Variants in XYLB observed in about 807,000 individuals in gnomAD.
XYLB encodes the protein xylulokinase.
A neutral mutation model predicts 78.7 loss-of-function variants in XYLB; 62 were observed. The ratio of observed to expected loss-of-function variants is 0.79; its 90% CI spans 0.64 to 0.97. XYLB has a LOEUF of 0.97. XYLB is among the 50% of genes least tolerant of loss of function. The pLI is 0.00. For missense variants in XYLB, 687 were observed against 676.8 expected, an observed-to-expected ratio of 1.02 and a Z score of -0.17; for synonymous variants, 245 against 247.4, an observed-to-expected ratio of 0.99 and a Z score of 0.09.
chr3:38,350,158 A>G (rs1202538219), intron 2 of XYLB, among the ~76,000 whole-genome samples: 1 of 151,976 alleles, frequency 6.6e-6, no homozygotes, highest in Non-Finnish European at 1.5e-5. Flanking sequence ...TTCCCAGCTG[A>G]CCCTTTGTGC....
intron 15 of XYLB, among the ~76,000 whole-genome samples, chr3:38,389,904 G>C (rs1363331621): frequency 1.3e-5 from 2 of 152,194 alleles, no homozygotes; most frequent in Non-Finnish European, 2.9e-5. Flanking sequence ...CCCAAATGTA[G>C]TTGTTTTTCT....
intron 9 of XYLB, 64 bp downstream of exon 9, chr3:38,370,238 G>GCTCACACA: frequency 6.1e-6 from 2 of 326,742 alleles, no homozygotes; most frequent in South Asian, 3.1e-5. Context: ...AAGCACTGTA[G>GCTCACACA]CGCACACACA....
Position 38,346,873 on chromosome 3 carries a change from C to G in XYLB, c.5C>G (p.Ala2Gly), listed in dbSNP as rs1197757194. M[A>G]EHAPRRCCLG... ...CGCAGCCTTACCCGAAAGGCCATGGCGGAGCACGCCCCTCGCCGCTGCTGC... is the reference window on the plus strand; with the variant it reads ...CGCAGCCTTACCCGAAAGGCCATGGGGGAGCACGCCCCTCGCCGCTGCTGC... Residue 2 changes from alanine to glycine, a missense_variant, in exon 1 of 19, where the codon GCG becomes GGG. Physicochemically the swap from Ala to Gly is moderately conservative, Grantham distance 60. Coordinates refer to ENST00000207870, the MANE Select transcript of XYLB (RefSeq NM_005108.4). 1 of 1,519,536 alleles carries G rather than the reference C, an allele frequency of 6.6e-7. No individual in the cohort carries two copies. The highest frequency in any genetic ancestry group is 2.1e-5 in the Admixed American group (1 of 48,302). 94.1% of individuals were successfully genotyped at this position (1,519,536 alleles called of 1,614,324 possible). A position where few individuals can be genotyped will look rare whatever the true frequency, so the allele number is the denominator to read the frequency against.
chr3:38,354,760 TC>T (rs1377351488), intron 2 of XYLB, among the ~76,000 whole-genome samples: 1 of 152,204 alleles, frequency 6.6e-6, no homozygotes, highest in Non-Finnish European at 1.5e-5. Context: ...CACCTCGGCC[TC>T]CCAGGGTGCT....
chr3:38,373,247 G>A (rs1445076171), intron 10 of XYLB, among the ~76,000 whole-genome samples: 6 of 152,008 alleles, frequency 3.9e-5, no homozygotes, highest in African/African-American at 1.5e-4. Context: ...AGCCACTCCT[G>A]GAGGGGCCCT....
chr3:38,377,442 CT>C (rs5848420), intron 14 of XYLB, among the ~76,000 whole-genome samples: 130 of 139,302 alleles, frequency 9.3e-4, no homozygotes, highest in Admixed American at 9.4e-4. Flanking sequence ...ATTTACTTTT[CT>C]TTTTTTTTTT....
At chr3:38,409,289 A>T (rs1708471207) in intron 18 of XYLB, among the ~76,000 whole-genome samples, 1 of 152,236 alleles carries the variant, frequency 6.6e-6, no homozygotes, top group Admixed American at 6.5e-5. Flanking sequence ...CAAAAACCAC[A>T]TGATTATCTC....
chr3:38,412,406 C>G (rs1297608380), intron 18 of XYLB, among the ~76,000 whole-genome samples: 1 of 152,132 alleles, frequency 6.6e-6, no homozygotes, highest in African/African-American at 2.4e-5. Context: ...TTGAGAGGAG[C>G]ACCTCCTGCC....
chr3:38,403,567 C>T (rs938906700), intron 18 of XYLB, among the ~76,000 whole-genome samples: 1 of 152,164 alleles, frequency 6.6e-6, no homozygotes, highest in African/African-American at 2.4e-5. Context: ...TCTCCTCACA[C>T]ACCTCTTGCT....
At chr3:38,387,676 G>A (rs1315058812) in intron 15 of XYLB, among the ~76,000 whole-genome samples, 1 of 152,312 alleles carries the variant, frequency 6.6e-6, no homozygotes, top group East Asian at 1.9e-4. Flanking sequence ...CCGGACTTCA[G>A]ATGGACAATT....
intron 2 of XYLB, among the ~76,000 whole-genome samples, chr3:38,353,499 T>TG (rs1227759983): frequency 6.6e-6 from 1 of 151,864 alleles, no homozygotes; most frequent in East Asian, 1.9e-4. Flanking sequence ...TTTGTAGAGA[T>TG]GGGGTCTCAC....
the XYLB span, among the ~76,000 whole-genome samples, chr3:38,450,652 CA>C: frequency 6.6e-6 from 1 of 152,112 alleles, no homozygotes; most frequent in African/African-American, 2.4e-5. Context: ...ACAGAAAACC[CA>C]AATAGAACTC....
At chr3:38,382,207 G>A (rs1041618590) in intron 15 of XYLB, among the ~76,000 whole-genome samples, 6 of 152,178 alleles carry the variant, frequency 3.9e-5, no homozygotes, top group African/African-American at 9.7e-5. Flanking sequence ...TTAGCCAGGC[G>A]TGGTGGCACA....
At chr3:38,399,542 A>T (rs1708037665) in intron 17 of XYLB, among the ~76,000 whole-genome samples, 1 of 152,296 alleles carries the variant, frequency 6.6e-6, no homozygotes, top group African/African-American at 2.4e-5. Context: ...GGCTGGGTAA[A>T]AGACTCTATG....
intron 15 of XYLB, among the ~76,000 whole-genome samples, chr3:38,390,445 C>T (rs1462577394): frequency 6.6e-6 from 1 of 152,112 alleles, no homozygotes. Context: ...AACTCCTGAC[C>T]TCAGGTGGTC....
chr3:38,365,437 C>T, intron 5 of XYLB, 152 bp downstream of exon 5: 1 of 1,383,864 alleles, frequency 7.2e-7, no homozygotes, highest in Non-Finnish European at 9.9e-7. Flanking sequence ...AGAGACCCCA[C>T]TGGGCCAGTT....
intron 15 of XYLB, among the ~76,000 whole-genome samples, chr3:38,381,312 T>C (rs1431233313): frequency 6.6e-6 from 1 of 152,232 alleles, no homozygotes; most frequent in Non-Finnish European, 1.5e-5. Flanking sequence ...CCTATGCCTG[T>C]CTTTACTTTA....
the XYLB span, among the ~76,000 whole-genome samples, chr3:38,437,111 A>C: frequency 6.6e-6 from 1 of 151,676 alleles, no homozygotes; most frequent in African/African-American, 2.4e-5. Context: ...AGGATGGTTC[A>C]ATATATGTAA....
intron 13 of XYLB, 75 bp from the exon 14 acceptor site, chr3:38,376,843 G>T: frequency 7.4e-7 from 1 of 1,355,066 alleles, no homozygotes; most frequent in Non-Finnish European, 1.1e-6. Flanking sequence ...ATTTTGTCCT[G>T]TTCTAAGTCT....
Sources: gnomAD v4.1 joint callset for allele counts (sites outside exome capture counted in the v4.1 genomes callset) on GRCh38, gnomAD v4.1.1 for gene constraint, MANE v1.5 for transcripts, NCBI Gene and HGNC (gene_info 2026-07-23, HGNC 2026-07-21) for gene names.